MTM1: variants seen among roughly 807,000 people sequenced by gnomAD.
MTM1 encodes myotubularin.
In MTM1, 9 loss-of-function variants were observed where a neutral mutation model predicts 52.1. The ratio of observed to expected loss-of-function variants is 0.17; its 90% CI spans 0.10 to 0.30. The LOEUF (loss-of-function observed/expected upper bound fraction) is 0.30, where lower values mean the gene tolerates loss of function less well. Ranked by LOEUF, MTM1 falls within the 10% of genes least tolerant of loss-of-function variation. The probability of loss-of-function intolerance (pLI) is 1.00; values close to 1 mark genes in which losing one functional copy is unlikely to be tolerated. For missense variants in MTM1, 277 were observed against 470.7 expected (o/e 0.59, Z 3.81); for synonymous variants, 136 against 163.8 (o/e 0.83, Z 1.29).
At chrX:150,616,059 A>G (rs1292747731) in intron 5 of MTM1, among the ~76,000 whole-genome samples, 1 of 111,302 alleles carries the variant, frequency 9.0e-6, no homozygotes, top group Non-Finnish European at 1.9e-5. Flanking sequence ...GGTGACTTTC[A>G]TTCTTACAGG....
chrX:150,629,510 A>T (rs1019759155), intron 6 of MTM1, among the ~76,000 whole-genome samples: 14 of 111,105 alleles, frequency 1.3e-4, no homozygotes, highest in Admixed American at 1.9e-4. Flanking sequence ...CTCCTTAAAA[A>T]CAGAGGCTGT....
intron 14 of MTM1, among the ~76,000 whole-genome samples, chrX:150,665,554 GTTA>G (rs2040291979): frequency 8.9e-6 from 1 of 112,596 alleles, no homozygotes; most frequent in Non-Finnish European, 1.9e-5. Context: ...AAGTTAAATT[GTTA>G]TTCAGTTGTG....
chrX:150,626,224 C>T (rs781797605), intron 6 of MTM1, among the ~76,000 whole-genome samples: 2 of 112,240 alleles, frequency 1.8e-5, no homozygotes, highest in Non-Finnish European at 3.8e-5. Context: ...TAGTAGAGTG[C>T]GTTATGGAGG....
intron 10 of MTM1, among the ~76,000 whole-genome samples, chrX:150,657,229 T>A (rs62609263): frequency 9.0e-6 from 1 of 110,784 alleles, no homozygotes; most frequent in Non-Finnish European, 1.9e-5. Context: ...AACCCAAATG[T>A]CCATCAATGA....
At chrX:150,567,263 G>A (rs2038274168), upstream of MTM1, among the ~76,000 whole-genome samples, 1 of 111,347 alleles carries the variant, frequency 9.0e-6, no homozygotes, top group South Asian at 3.8e-4. Context: ...GATTCTGGAT[G>A]GCTTTGTTAC....
At chrX:150,595,904 C>T (rs1156977003) in intron 2 of MTM1, among the ~76,000 whole-genome samples, 6 of 112,608 alleles carry the variant, frequency 5.3e-5, no homozygotes, top group Non-Finnish European at 9.4e-5. Context: ...GCTCCTAAGA[C>T]TTTTGCCAGC....
intron 5 of MTM1, among the ~76,000 whole-genome samples, chrX:150,616,442 G>A (rs1382493597): frequency 1.8e-5 from 2 of 111,773 alleles, no homozygotes; most frequent in Non-Finnish European, 3.8e-5. Context: ...ACTTTCGCCT[G>A]CAGTCAATAA....
chrX:150,611,650 T>C (rs1603145828), intron 4 of MTM1, among the ~76,000 whole-genome samples: 1 of 111,721 alleles, frequency 9.0e-6, no homozygotes, highest in East Asian at 2.8e-4. Flanking sequence ...TTTAGCAGTA[T>C]TTTTCCCGCA....
At chrX:150,618,446 G>C (rs2039422022) in intron 5 of MTM1, among the ~76,000 whole-genome samples, 1 of 111,195 alleles carries the variant, frequency 9.0e-6, no homozygotes, top group African/African-American at 3.3e-5. Flanking sequence ...CTGAGGTCAG[G>C]AGTTCGAGAC....
At chrX:150,655,155 C>G (rs1405749050) in intron 10 of MTM1, among the ~76,000 whole-genome samples, 2 of 109,363 alleles carry the variant, frequency 1.8e-5, no homozygotes, top group African/African-American at 3.3e-5. Context: ...GAAACCCCAT[C>G]TCTACTAAAA....
rs1463846466 is a variant in MTM1 at position 150,657,804 on chromosome X, G to A, written c.1054-17G>A. The A allele has an allele frequency of 8.3e-7, 1 of 1,203,869 alleles. No individual in the cohort carries two copies. Among genetic ancestry groups the A allele is most frequent in the Non-Finnish European group, 1.1e-6 (1 of 888,765 alleles). ...ATCTTATAACTCCCTACTGACTCAC[G>A]TATTTTTCTTTGTCAGCTCGTTTTG... On this transcript the variant is annotated splice_polypyrimidine_tract_variant and intron_variant, in intron 10 of 14. Coordinates refer to ENST00000370396, the MANE Select transcript of MTM1 (RefSeq NM_000252.3).
upstream of MTM1, among the ~76,000 whole-genome samples, chrX:150,568,392 T>C (rs1557411295): frequency 8.8e-6 from 1 of 113,337 alleles, no homozygotes; most frequent in Non-Finnish European, 1.9e-5. Flanking sequence ...AATTCCCAGC[T>C]GCCTCCATGC....
chrX:150,656,360 G>A (rs887805673), intron 10 of MTM1, among the ~76,000 whole-genome samples: 3 of 111,567 alleles, frequency 2.7e-5, no homozygotes, highest in African/African-American at 9.8e-5. Flanking sequence ...CAGTGAGACT[G>A]CCATGTGAAG....
intron 4 of MTM1, 141 bp downstream of exon 4, chrX:150,598,827 T>C (rs781942944): frequency 4.4e-6 from 2 of 451,574 alleles, no homozygotes; most frequent in Non-Finnish European, 7.8e-6. Flanking sequence ...TTTTTGCTTA[T>C]GCAAAACTCA....
chrX:150,616,674 T>C (rs1227891663), intron 5 of MTM1, among the ~76,000 whole-genome samples: 5 of 110,649 alleles, frequency 4.5e-5, no homozygotes, highest in Non-Finnish European at 9.5e-5. Context: ...CTGTGTGGAG[T>C]CTTTCAAACA....
upstream of MTM1, among the ~76,000 whole-genome samples, chrX:150,564,726 G>A (rs1260201204): frequency 8.9e-6 from 1 of 112,098 alleles, no homozygotes; most frequent in Non-Finnish European, 1.9e-5. Flanking sequence ...TTGAATACAC[G>A]TCTTTTTGTG....
At chrX:150,620,893 G>A (rs1273611833) in intron 6 of MTM1, among the ~76,000 whole-genome samples, 1 of 110,539 alleles carries the variant, frequency 9.0e-6, no homozygotes, top group African/African-American at 3.3e-5. Flanking sequence ...GAGGAGGATG[G>A]ATCACTTGAG....
intron 2 of MTM1, among the ~76,000 whole-genome samples, chrX:150,595,597 G>T (rs1557412583): frequency 8.9e-6 from 1 of 112,669 alleles, no homozygotes. Flanking sequence ...ATGAAATACT[G>T]CTGAAAAAAA....
chrX:150,575,278 G>A (rs1569565284), intron 1 of MTM1, among the ~76,000 whole-genome samples: 1 of 112,470 alleles, frequency 8.9e-6, no homozygotes, highest in Non-Finnish European at 1.9e-5. Flanking sequence ...CTTTCCTGCT[G>A]CTCATTAGAA....
Sources: gnomAD v4.1 joint callset for allele counts (sites outside exome capture counted in the v4.1 genomes callset) on GRCh38, gnomAD v4.1.1 for gene constraint, MANE v1.5 for transcripts, NCBI Gene and HGNC (gene_info 2026-07-23, HGNC 2026-07-21) for gene names.